Variants in DTNBP1 observed in about 807,000 individuals in gnomAD.
DTNBP1 encodes dysbindin.
Under a neutral mutation model 42.8 loss-of-function variants are expected in DTNBP1, and 35 were observed. The ratio of observed to expected loss-of-function variants is 0.82; its 90% CI spans 0.63 to 1.09. The LOEUF (loss-of-function observed/expected upper bound fraction) is 1.09. DTNBP1 is among the 50% of genes least tolerant of loss of function. The probability of loss-of-function intolerance (pLI) is 0.00; values close to 1 mark genes in which losing one functional copy is unlikely to be tolerated. For missense variants in DTNBP1, 457 were observed against 424.2 expected (o/e 1.08, Z -0.68); for synonymous variants, 171 against 162.2 (o/e 1.05, Z -0.41).
chr6:15,544,179 C>G (rs1333818727), intron 7 of DTNBP1, among the ~76,000 whole-genome samples: 2 of 152,152 alleles, frequency 1.3e-5, no homozygotes, highest in Non-Finnish European at 2.9e-5. Flanking sequence ...TACTATATAT[C>G]CTTCTGAGAC....
chr6:15,565,709 A>G (rs1450138547), intron 7 of DTNBP1, among the ~76,000 whole-genome samples: 4 of 152,238 alleles, frequency 2.6e-5, no homozygotes, highest in Admixed American at 2.6e-4. Context: ...GAAACTAGGC[A>G]GAAAGGAATC....
intron 4 of DTNBP1, among the ~76,000 whole-genome samples, chr6:15,636,839 GTGTTGT>G (rs1169072037): frequency 1.3e-5 from 2 of 151,942 alleles, no homozygotes; most frequent in African/African-American, 4.8e-5. Flanking sequence ...CTGTTTTGTT[GTGTTGT>G]TGTTGTTGTT....
At chr6:15,537,117 T>C (rs962902355) in intron 7 of DTNBP1, among the ~76,000 whole-genome samples, 1 of 152,228 alleles carries the variant, frequency 6.6e-6, no homozygotes, top group Non-Finnish European at 1.5e-5. Flanking sequence ...CATGAGACTT[T>C]GGACTTAAGA....
intron 3 of DTNBP1, among the ~76,000 whole-genome samples, chr6:15,643,088 T>C (rs867565264): frequency 2.0e-5 from 3 of 152,190 alleles, no homozygotes; most frequent in Non-Finnish European, 4.4e-5. Flanking sequence ...CAGCACATGA[T>C]AGACAAGATA....
intron 7 of DTNBP1, among the ~76,000 whole-genome samples, chr6:15,564,363 TAAGAC>T (rs1415193232): frequency 6.6e-6 from 1 of 151,962 alleles, no homozygotes; most frequent in East Asian, 1.9e-4. Context: ...AACTCAATAA[TAAGAC>T]AAACCAATTA....
intron 7 of DTNBP1, chr6:15,586,121 T>A (rs775365523): frequency 4.0e-5 from 33 of 825,100 alleles, no homozygotes; most frequent in Non-Finnish European, 4.9e-5. Context: ...GGTACAAAGA[T>A]GCTTTAGTAA....
intron 4 of DTNBP1, among the ~76,000 whole-genome samples, chr6:15,637,349 G>A (rs1344804607): frequency 1.3e-5 from 2 of 152,112 alleles, no homozygotes; most frequent in African/African-American, 2.4e-5. Flanking sequence ...GATAGACTGA[G>A]CAAAGTTAAG....
intron 7 of DTNBP1, among the ~76,000 whole-genome samples, chr6:15,566,069 C>A (rs1406323624): frequency 6.6e-6 from 1 of 152,138 alleles, no homozygotes; most frequent in Non-Finnish European, 1.5e-5. Flanking sequence ...AATCCCAGCA[C>A]TTTGGGAGGC....
intron 7 of DTNBP1, among the ~76,000 whole-genome samples, chr6:15,551,882 G>A (rs957023594): frequency 2.0e-5 from 3 of 152,204 alleles, no homozygotes; most frequent in African/African-American, 7.2e-5. Context: ...TCAACTGGCT[G>A]CTTGATCGCA....
At chr6:15,619,284 C>A (rs150124266) in intron 5 of DTNBP1, among the ~76,000 whole-genome samples, 2 of 152,134 alleles carry the variant, frequency 1.3e-5, no homozygotes. Flanking sequence ...ATTTATTACA[C>A]ACTGTGTACA....
Position 15,575,459 on chromosome 6 carries a change from T to C in DTNBP1, c.511+17600A>G, listed in dbSNP as rs1775521462. On this transcript the variant is annotated intron_variant, in intron 7 of 9. Transcript: ENST00000344537. Reference sequence around the variant, plus strand: ...ACAGAACAACTTCTCTTTAATTTTATGGTAACATTTCCAGTTGTAACTGAC... The same window carrying C: ...ACAGAACAACTTCTCTTTAATTTTACGGTAACATTTCCAGTTGTAACTGAC... Among the ~76,000 whole-genome samples the C allele has an allele frequency of 3.3e-5, 5 of 152,238 alleles. No individual in the cohort carries two copies. The South Asian group carries it at 1.0e-3, about 32-fold the overall frequency.
chr6:15,627,503 T>G, intron 4 of DTNBP1, 28 bp from the exon 5 acceptor site: 1 of 1,613,206 alleles, frequency 6.2e-7, no homozygotes, highest in South Asian at 1.1e-5. Context: ...GGGGGTAAAG[T>G]GAAACCAGGT....
chr6:15,569,198 T>C (rs1775229252), intron 7 of DTNBP1, among the ~76,000 whole-genome samples: 1 of 152,194 alleles, frequency 6.6e-6, no homozygotes, highest in Non-Finnish European at 1.5e-5. Flanking sequence ...TATCTGACCT[T>C]AGAATCATAA....
chr6:15,615,139 G>T, intron 6 of DTNBP1, 128 bp downstream of exon 6: 2 of 1,448,886 alleles, frequency 1.4e-6, no homozygotes, highest in Non-Finnish European at 9.6e-7. Flanking sequence ...GTTTTGGAAA[G>T]CTTATTTATC....
chr6:15,601,832 C>T (rs562621062), intron 6 of DTNBP1, among the ~76,000 whole-genome samples: 145 of 136,298 alleles, frequency 1.1e-3, no homozygotes, highest in African/African-American at 3.9e-3. Flanking sequence ...ACAACAAGAG[C>T]AAAATTCCAT....
At chr6:15,637,053 T>G (rs1760070869) in intron 4 of DTNBP1, among the ~76,000 whole-genome samples, 1 of 152,234 alleles carries the variant, frequency 6.6e-6, no homozygotes, top group Non-Finnish European at 1.5e-5. Context: ...ATCATATATA[T>G]TCCTGTGTTG....
At chr6:15,637,853 G>A in intron 3 of DTNBP1, 49 bp from the exon 4 acceptor site, 1 of 1,544,732 alleles carries the variant, frequency 6.5e-7, no homozygotes, top group Non-Finnish European at 8.9e-7. Context: ...ACATTAAAAG[G>A]AAATACTATC....
At chr6:15,553,944 G>A (rs1381211277) in intron 7 of DTNBP1, among the ~76,000 whole-genome samples, 1 of 152,096 alleles carries the variant, frequency 6.6e-6, no homozygotes, top group Non-Finnish European at 1.5e-5. Context: ...TCCTGAAGCA[G>A]GACACAAGAT....
chr6:15,576,790 A>AG, intron 7 of DTNBP1, among the ~76,000 whole-genome samples: 1 of 150,426 alleles, frequency 6.6e-6, no homozygotes, highest in East Asian at 2.0e-4. Flanking sequence ...AAAAAAAAAA[A>AG]GTTGTGAAAG....
Sources: allele counts gnomAD v4.1 joint callset (sites outside exome capture counted in the v4.1 genomes callset), GRCh38; gene constraint gnomAD v4.1.1; transcripts MANE v1.5; gene names NCBI Gene and HGNC (gene_info 2026-07-23, HGNC 2026-07-21).